The following BRINP1 variants were observed in gnomAD, a reference collection of about 807,000 sequenced individuals.
BRINP1 encodes the protein BMP/retinoic acid inducible neural specific 1.
Under a neutral mutation model 72.9 loss-of-function variants are expected in BRINP1, and 17 were observed. The ratio of observed to expected loss-of-function variants is 0.23; its 90% CI spans 0.16 to 0.35. The LOEUF (loss-of-function observed/expected upper bound fraction) is 0.35. Ranked by LOEUF, BRINP1 falls within the 10% of genes least tolerant of loss-of-function variation. The pLI, the probability that BRINP1 is intolerant of heterozygous loss-of-function variation, is 1.00. For missense variants in BRINP1, 850 were observed against 1,001.6 expected (o/e 0.85, Z 2.04); for synonymous variants, 418 against 378.5 (o/e 1.10, Z -1.21).
chr9:119,335,455 G>A (rs1831337694), intron 1 of BRINP1, among the ~76,000 whole-genome samples: 1 of 152,164 alleles, frequency 6.6e-6, no homozygotes, highest in Non-Finnish European at 1.5e-5. Context: ...GGTACCTACT[G>A]GATACCTTTC....
intron 1 of BRINP1, among the ~76,000 whole-genome samples, chr9:119,320,162 G>C (rs1019023950): frequency 6.6e-6 from 1 of 152,074 alleles, no homozygotes; most frequent in African/African-American, 2.4e-5. Context: ...AAAAGCCTTG[G>C]GTGGGTGGGA....
chr9:119,217,208 A>G (rs1171047421), intron 5 of BRINP1, among the ~76,000 whole-genome samples: 1 of 152,072 alleles, frequency 6.6e-6, no homozygotes, highest in African/African-American at 2.4e-5. Context: ...TTCAATGGGA[A>G]CCATAAATAA....
rs114390455 is a variant in BRINP1 at position 119,287,377 on chromosome 9, T to C, written c.218+25761A>G. Among the ~76,000 whole-genome samples the C allele has an allele frequency of 8.1e-3, 1,230 of 152,326 alleles. 13 individuals are homozygous for C. Among genetic ancestry groups the C allele is most frequent in the African/African-American group, 0.029 (1,188 of 41,566 alleles). ...AGACAGTTTTAAGTTTGAATCCCAG[T>C]GCTTCTCATATTGTCTGTGTTATCT... On this transcript the variant is annotated intron_variant, in intron 2 of 7. Transcript: ENST00000265922.
intron 7 of BRINP1, among the ~76,000 whole-genome samples, chr9:119,206,224 T>C (rs980076365): frequency 2.2e-4 from 33 of 151,932 alleles, no homozygotes; most frequent in African/African-American, 8.0e-4. Context: ...GAGACCAGCC[T>C]GGCCCATACG....
At chr9:119,306,595 G>A (rs911023243) in intron 2 of BRINP1, among the ~76,000 whole-genome samples, 4 of 152,204 alleles carry the variant, frequency 2.6e-5, no homozygotes, top group East Asian at 3.8e-4. Flanking sequence ...AACACACTTG[G>A]TCTAAGCCGG....
chr9:119,178,089 A>T (rs1225829974), intron 7 of BRINP1, among the ~76,000 whole-genome samples: 8 of 152,164 alleles, frequency 5.3e-5, no homozygotes, highest in Admixed American at 4.6e-4. Flanking sequence ...CAGGCTATGG[A>T]GGAGACCCTG....
intron 1 of BRINP1, among the ~76,000 whole-genome samples, chr9:119,342,267 T>C (rs1158522564): frequency 2.6e-5 from 4 of 152,162 alleles, no homozygotes; most frequent in South Asian, 2.1e-4. Flanking sequence ...AAATTTCCTA[T>C]GGAAATATGT....
At chr9:119,235,227 C>A (rs1363924466) in intron 5 of BRINP1, among the ~76,000 whole-genome samples, 2 of 152,180 alleles carry the variant, frequency 1.3e-5, no homozygotes, top group Admixed American at 6.5e-5. Flanking sequence ...TTTTAAAAAA[C>A]CATTCCATGG....
intron 2 of BRINP1, among the ~76,000 whole-genome samples, chr9:119,302,097 T>C (rs1279219337): frequency 6.6e-6 from 1 of 152,220 alleles, no homozygotes; most frequent in Non-Finnish European, 1.5e-5. Context: ...CACAGCAGGA[T>C]ATTTTAAGTG....
At chr9:119,321,703 C>G (rs562918237) in intron 1 of BRINP1, among the ~76,000 whole-genome samples, 3 of 152,100 alleles carry the variant, frequency 2.0e-5, no homozygotes, top group Non-Finnish European at 4.4e-5. Context: ...CATCCTCCCC[C>G]CTTGGCCTCC....
intron 2 of BRINP1, among the ~76,000 whole-genome samples, chr9:119,307,096 A>G (rs1193388615): frequency 6.6e-6 from 1 of 151,788 alleles, no homozygotes; most frequent in Non-Finnish European, 1.5e-5. Flanking sequence ...TATCCTATGC[A>G]TTGTAAGGTA....
intron 1 of BRINP1, among the ~76,000 whole-genome samples, chr9:119,365,968 G>T (rs1831686690): frequency 6.6e-6 from 1 of 152,118 alleles, no homozygotes; most frequent in Non-Finnish European, 1.5e-5. Flanking sequence ...CAGGCATCTA[G>T]AAGTCTAAGA....
chr9:119,284,355 G>C (rs1233641148), intron 2 of BRINP1, among the ~76,000 whole-genome samples: 2 of 152,220 alleles, frequency 1.3e-5, no homozygotes, highest in East Asian at 3.8e-4. Context: ...GTACAGGCAA[G>C]AGGCCCTAAC....
chr9:119,182,084 C>T (rs1829563896), intron 7 of BRINP1, among the ~76,000 whole-genome samples: 1 of 152,130 alleles, frequency 6.6e-6, no homozygotes, highest in South Asian at 2.1e-4. Context: ...GGAAAGAATT[C>T]AACAAATGCT....
chr9:119,311,406 A>G (rs936534884), intron 2 of BRINP1, among the ~76,000 whole-genome samples: 1 of 152,248 alleles, frequency 6.6e-6, no homozygotes, highest in African/African-American at 2.4e-5. Context: ...AGTAGAATCC[A>G]AAGTAAATCA....
chr9:119,325,576 T>C (rs1209997851), intron 1 of BRINP1, among the ~76,000 whole-genome samples: 7 of 152,210 alleles, frequency 4.6e-5, no homozygotes, highest in Non-Finnish European at 1.0e-4. Context: ...TCTAAGCCTA[T>C]CCTCGTTTGA....
At chr9:119,360,380 C>A (rs949190725) in intron 1 of BRINP1, among the ~76,000 whole-genome samples, 1 of 152,176 alleles carries the variant, frequency 6.6e-6, no homozygotes, top group Non-Finnish European at 1.5e-5. Flanking sequence ...CTTTATCATG[C>A]GCCTGTAAAC....
Position 119,238,694 on chromosome 9 carries a change from C to T in BRINP1, c.646G>A (p.Val216Ile), listed in dbSNP as rs764143707. The change falls in exon 5 of 8, where the codon GTC becomes ATC. Residue 216 changes from valine to isoleucine, a missense_variant. Physicochemically the swap from Val to Ile is conservative, Grantham distance 29. Transcript: ENST00000265922. ...SYDNLDSVSS[V>I]LLQSTESKLH... ...TTGCTCTCCGTGCTTTGCAGAAGGA[C>T]GGAACTCACAGAGTCCAGATTGTCA... is the stretch of plus-strand genomic sequence containing the variant. 2.4e-5 allele frequency: 38 copies of T among 1,612,208 alleles called. No individual in the cohort carries two copies. Among genetic ancestry groups the T allele is most frequent in the African/African-American group, 4.0e-5 (3 of 74,814 alleles).
intron 1 of BRINP1, among the ~76,000 whole-genome samples, chr9:119,354,706 AATAAAAATAAAAACT>A (rs1380429561): frequency 6.6e-6 from 1 of 152,086 alleles, no homozygotes; most frequent in South Asian, 2.1e-4. Context: ...AAAAAAAAAA[AATAAAAATAAAAACT>A]TGCCAGGTGT....
Sources: allele counts gnomAD v4.1 joint callset (sites outside exome capture counted in the v4.1 genomes callset), GRCh38; gene constraint gnomAD v4.1.1; transcripts MANE v1.5; gene names NCBI Gene and HGNC (gene_info 2026-07-23, HGNC 2026-07-21).